SLC14A2: variants seen among roughly 807,000 people sequenced by gnomAD.
The protein encoded by SLC14A2 is urea transporter 2.
A neutral mutation model predicts 104.6 loss-of-function variants in SLC14A2; 91 were observed. The ratio of observed to expected loss-of-function variants is 0.87; its 90% CI spans 0.73 to 1.04. SLC14A2 has a LOEUF of 1.04. SLC14A2 is among the 50% of genes least tolerant of loss of function. The probability of loss-of-function intolerance (pLI) is 0.00; values close to 1 mark genes in which losing one functional copy is unlikely to be tolerated. For missense variants in SLC14A2, 1,189 were observed against 1,156.0 expected (o/e 1.03, Z -0.41); for synonymous variants, 476 against 466.4 (o/e 1.02, Z -0.27).
Position 45,510,470 on chromosome 18 carries a change from C to T in SLC14A2, c.-35+27148C>T, listed in dbSNP as rs181388904. Among the ~76,000 whole-genome samples, 550 of 152,260 alleles carry T rather than the reference C, an allele frequency of 3.6e-3. 10 individuals carry two copies. Among genetic ancestry groups the T allele is most frequent in the Non-Finnish European group, 5.1e-4 (35 of 68,012 alleles). ...CTCCTACTGTGGAGGCAGGGAGTAC[C>T]CCCAGTCCAACCCTGCCACCAGTGG... On this transcript the variant is annotated intron_variant, in intron 2 of 20. Coordinates refer to the SLC14A2 transcript ENST00000586448.
At chr18:45,494,202 T>C (rs2043051296) in intron 2 of SLC14A2, among the ~76,000 whole-genome samples, 1 of 152,228 alleles carries the variant, frequency 6.6e-6, no homozygotes, top group Non-Finnish European at 1.5e-5. Context: ...TCCACCTTTC[T>C]ATCTGGACAG....
intron 1 of SLC14A2, among the ~76,000 whole-genome samples, chr18:45,403,424 CT>C (rs1392167004): frequency 1.3e-5 from 2 of 152,130 alleles, no homozygotes. Context: ...AATTTTTAAG[CT>C]AGTAATAGCA....
intron 1 of SLC14A2, among the ~76,000 whole-genome samples, chr18:45,435,979 A>G (rs1336087799): frequency 2.6e-5 from 4 of 152,176 alleles, no homozygotes; most frequent in African/African-American, 9.7e-5. Flanking sequence ...ATGTGACTAA[A>G]CAGCAGCATA....
At chr18:45,236,678 T>C (rs2084257909) in intron 1 of SLC14A2, among the ~76,000 whole-genome samples, 1 of 151,722 alleles carries the variant, frequency 6.6e-6, no homozygotes, top group Non-Finnish European at 1.5e-5. Flanking sequence ...TGGACACTGA[T>C]CTTGATTCCA....
chr18:45,521,014 C>G (rs1168542069), intron 2 of SLC14A2, among the ~76,000 whole-genome samples: 1 of 152,186 alleles, frequency 6.6e-6, no homozygotes, highest in Non-Finnish European at 1.5e-5. Flanking sequence ...AGAATCTTAA[C>G]AGCTGGCCCA....
At chr18:45,593,633 G>C (rs1341273392) in intron 2 of SLC14A2, among the ~76,000 whole-genome samples, 1 of 151,354 alleles carries the variant, frequency 6.6e-6, no homozygotes, top group Non-Finnish European at 1.5e-5. Flanking sequence ...GGGACTACAG[G>C]TGCCTGCCAC....
chr18:45,221,525 A>G (rs1373528894), intron 1 of SLC14A2, among the ~76,000 whole-genome samples: 1 of 152,126 alleles, frequency 6.6e-6, no homozygotes, highest in African/African-American at 2.4e-5. Context: ...GGTGTAATCA[A>G]AATAGCAGCC....
intron 1 of SLC14A2, chr18:45,424,016 A>G (rs1250227441): frequency 6.6e-6 from 1 of 152,174 alleles, no homozygotes; most frequent in East Asian, 1.9e-4. Flanking sequence ...CTCCCACTGT[A>G]TTTGAGATAT....
chr18:45,442,951 G>C (rs1401165265), intron 1 of SLC14A2, among the ~76,000 whole-genome samples: 1 of 152,184 alleles, frequency 6.6e-6, no homozygotes, highest in Non-Finnish European at 1.5e-5. Context: ...GAAGCTTTTA[G>C]ACTGTGTCTA....
In SLC14A2 at chr18:45,551,855, T is replaced by C. The variant is rs566227535; in HGVS notation, c.-35+68533T>C. ...TCCCAGAGTTGGAAGGGGAGACTTA[T>C]GTGGAAATTCCCTTTGTCCATCTGA... On this transcript the variant is annotated intron_variant, in intron 2 of 20. Transcript: ENST00000586448. 2.6e-5 allele frequency among the ~76,000 whole-genome samples: 4 copies of C among 152,316 alleles called. No homozygotes were observed. The South Asian group carries it at 8.3e-4, about 32-fold the overall frequency.
chr18:45,602,854 A>G (rs1386415173), intron 2 of SLC14A2, among the ~76,000 whole-genome samples: 3 of 152,216 alleles, frequency 2.0e-5, no homozygotes, highest in African/African-American at 7.2e-5. Context: ...AGTTTAGCCA[A>G]TTGATGTCAT....
chr18:45,540,938 G>A (rs1471312699), intron 2 of SLC14A2, among the ~76,000 whole-genome samples: 2 of 152,100 alleles, frequency 1.3e-5, no homozygotes, highest in African/African-American at 4.8e-5. Context: ...AACTCAGAGA[G>A]GCAAGAAATA....
chr18:45,543,987 A>T (rs941635709), intron 2 of SLC14A2, among the ~76,000 whole-genome samples: 35 of 152,338 alleles, frequency 2.3e-4, no homozygotes, highest in African/African-American at 8.4e-4. Context: ...TCCCTGGTGG[A>T]TAGCACTTTA....
chr18:45,286,977 GCTAC>G (rs1472460857), intron 1 of SLC14A2, among the ~76,000 whole-genome samples: 3 of 152,204 alleles, frequency 2.0e-5, no homozygotes, highest in Admixed American at 2.0e-4. Flanking sequence ...GTTCCCAGCA[GCTAC>G]CTGTGTGCAC....
chr18:45,402,135 G>A (rs996107320), intron 1 of SLC14A2, among the ~76,000 whole-genome samples: 5 of 152,084 alleles, frequency 3.3e-5, no homozygotes, highest in African/African-American at 4.8e-5. Context: ...CAGTTCCTTT[G>A]GAGGTCTTAA....
chr18:45,349,782 A>C lies in SLC14A2; in HGVS notation c.-124-133451A>C, dbSNP rs146857835. Among the ~76,000 whole-genome samples the C allele has an allele frequency of 4.7e-4, 72 of 152,374 alleles. No individual in the cohort carries two copies. The East Asian group carries it at 0.013, about 27-fold the overall frequency. On this transcript the variant is annotated intron_variant, in intron 1 of 20. Coordinates refer to the SLC14A2 transcript ENST00000586448. ...TTAAAAGGCAAGAAGTGGAACGTAG[A>C]TGAAGATTAAGAGAACTAACTAGGC...
intron 2 of SLC14A2, among the ~76,000 whole-genome samples, chr18:45,536,300 C>A (rs1043881983): frequency 6.6e-6 from 1 of 152,204 alleles, no homozygotes; most frequent in African/African-American, 2.4e-5. Flanking sequence ...CTGACATTAA[C>A]AAAGTTCCAC....
upstream of SLC14A2, among the ~76,000 whole-genome samples, chr18:45,211,828 A>G (rs557989585): frequency 1.1e-3 from 165 of 152,352 alleles, 1 homozygote; most frequent in African/African-American, 3.8e-3. Flanking sequence ...CTCCAATGAC[A>G]AAAACCATAC....
Position 45,682,434 on chromosome 18 carries a change from A to G in SLC14A2, c.2678A>G (p.Glu893Gly), listed in dbSNP as rs200762333. 6.2e-7 allele frequency: 1 copy of G among 1,614,206 alleles called. No homozygotes were observed. The highest frequency in any genetic ancestry group is 8.5e-7 in the Non-Finnish European group (1 of 1,180,032). ...CCGCTCAGCAAAGTCACCTACCCAGAGGCCAACCGCATCTACTACCTGTCC... is the reference window on the plus strand; with the variant it reads ...CCGCTCAGCAAAGTCACCTACCCAGGGGCCAACCGCATCTACTACCTGTCC... Reference protein sequence around the residue: ...KLPLSKVTYPEANRIYYLSQE... With the variant: ...KLPLSKVTYPGANRIYYLSQE... The change falls in exon 20 of 20, where the codon GAG (glutamate) becomes GGG (glycine). Residue 893 changes from glutamate to glycine, a missense_variant. Transcript: ENST00000255226.
Sources: allele counts gnomAD v4.1 joint callset (sites outside exome capture counted in the v4.1 genomes callset), GRCh38; gene constraint gnomAD v4.1.1; transcripts MANE v1.5; gene names NCBI Gene and HGNC (gene_info 2026-07-23, HGNC 2026-07-21).